TSPEAR: variants seen among roughly 807,000 people sequenced by gnomAD.
The protein encoded by TSPEAR is thrombospondin-type laminin G domain and EAR repeat-containing protein.
In TSPEAR, 69 loss-of-function variants were observed where a neutral mutation model predicts 71.6. The observed-to-expected ratio is 0.96, with a 90% CI of 0.79 to 1.18. The LOEUF is 1.18. TSPEAR is among the 50% of genes most tolerant of loss of function. The pLI is 0.00. For missense variants in TSPEAR, 971 were observed against 894.9 expected, an observed-to-expected ratio of 1.09 and a Z score of -1.09; for synonymous variants, 402 against 387.2, an observed-to-expected ratio of 1.04 and a Z score of -0.45.
chr21:44,597,593 C>T lies in TSPEAR; in HGVS notation c.83-29588G>A, dbSNP rs782614766. ...GATTACAGGTGCCCACCACCATGCC[C>T]GGCTAATTTTGTATTTTTAGTAGAG... is the stretch of plus-strand genomic sequence containing the variant. On this transcript the variant is annotated intron_variant, in intron 1 of 11. Transcript: ENST00000323084. 1.2e-3 allele frequency among the ~76,000 whole-genome samples: 186 copies of T among 151,898 alleles called. 2 individuals carry two copies. The highest frequency in any genetic ancestry group is 3.2e-3 in the Middle Eastern group (1 of 316).
chr21:44,518,905 A>T (rs587648381), intron 9 of TSPEAR: 43 of 291,226 alleles, frequency 1.5e-4, no homozygotes, highest in South Asian at 1.3e-3. Context: ...ATGACACATG[A>T]CTGGTGTGGA....
chr21:44,677,847 G>A (rs144543748), intron 1 of TSPEAR: 3 of 1,316,148 alleles, frequency 2.3e-6, no homozygotes, highest in Non-Finnish European at 3.3e-6. Context: ...GTCTGAGTAA[G>A]GTATGGTTTT....
At chr21:44,662,670 C>A (rs1412376926) in intron 1 of TSPEAR, among the ~76,000 whole-genome samples, 3 of 152,198 alleles carry the variant, frequency 2.0e-5, no homozygotes, top group Non-Finnish European at 4.4e-5. Flanking sequence ...GATACACATT[C>A]TTTTCAAGCA....
chr21:44,601,808 G>A (rs1337114206), intron 1 of TSPEAR: 3 of 1,545,626 alleles, frequency 1.9e-6, no homozygotes, highest in Non-Finnish European at 2.6e-6. Context: ...ACCCTTGACG[G>A]CTCTCCACAT....
At chr21:44,645,540 G>A (rs1300719050) in intron 1 of TSPEAR, among the ~76,000 whole-genome samples, 1 of 151,804 alleles carries the variant, frequency 6.6e-6, no homozygotes, top group Non-Finnish European at 1.5e-5. Flanking sequence ...TTTTAGTAGA[G>A]ACCGGGTTTC....
intron 11 of TSPEAR, among the ~76,000 whole-genome samples, chr21:44,502,320 A>G (rs1389429651): frequency 1.3e-5 from 2 of 152,246 alleles, no homozygotes; most frequent in African/African-American, 4.8e-5. Flanking sequence ...AGCAAGCTAC[A>G]TAATCAATTA....
intron 1 of TSPEAR, among the ~76,000 whole-genome samples, chr21:44,600,407 A>G (rs452547): frequency 0.14 from 21,254 of 152,174 alleles, 2,398 homozygotes; most frequent in African/African-American, 0.3. Context: ...ACTGAACGGC[A>G]TCTCATAGGA....
At chr21:44,567,054 A>C (rs868974832) in intron 2 of TSPEAR, among the ~76,000 whole-genome samples, 1 of 152,232 alleles carries the variant, frequency 6.6e-6, no homozygotes, top group South Asian at 2.1e-4. Context: ...AAAGGGCTCT[A>C]CCAAGAAAGT....
chr21:44,519,913 G>A (rs1408011735), intron 9 of TSPEAR: 2 of 152,320 alleles, frequency 1.3e-5, no homozygotes, highest in Admixed American at 1.3e-4. Flanking sequence ...CAGCCAGTGT[G>A]AGCCGCTACC....
rs782578741 is a variant in TSPEAR at position 44,612,632 on chromosome 21, C to A, written c.83-44627G>T. 12 of 1,613,690 alleles carry A rather than the reference C, an allele frequency of 7.4e-6. No homozygotes were observed. The highest frequency in any genetic ancestry group is 1.3e-5 in the African/African-American group (1 of 74,788). ...CTGCTGCAAGCCCATCTGCTGTGTG[C>A]CTGTCTGCTCTGGGGCTTCCTCTCT... On this transcript the variant is annotated intron_variant, in intron 1 of 11. Coordinates refer to ENST00000323084, the MANE Select transcript of TSPEAR (RefSeq NM_144991.3). This position sits in a 1 kb window ranked among gnomAD's most constrained non-coding sequence, Gnocchi z 4.1.
chr21:44,647,068 T>C lies in TSPEAR; in HGVS notation c.82+64365A>G, dbSNP rs782794414. The C allele has an allele frequency of 3.1e-6, 5 of 1,613,782 alleles. No individual in the cohort carries two copies. In the African/African-American group the frequency reaches 6.7e-5, roughly 22 times the overall value. On this transcript the variant is annotated intron_variant, in intron 1 of 11. Coordinates refer to ENST00000323084, the MANE Select transcript of TSPEAR (RefSeq NM_144991.3). ...GACTGTCTACTGCAAGCCCATCTGC[T>C]GTGTGCCTGTCTGCTCTAGGGCTTC... is the stretch of plus-strand genomic sequence containing the variant.
At chr21:44,630,809 ACT>A (rs1209160403) in intron 1 of TSPEAR, among the ~76,000 whole-genome samples, 3 of 152,174 alleles carry the variant, frequency 2.0e-5, no homozygotes, top group African/African-American at 4.8e-5. Flanking sequence ...TGTTTAAGAA[ACT>A]CTGTCTAATT....
chr21:44,710,452 G>A lies in TSPEAR; in HGVS notation c.82+981C>T, dbSNP rs566132721. 7.0e-6 allele frequency among the ~76,000 whole-genome samples: 1 copy of A among 143,302 alleles called. No homozygotes were observed. Among genetic ancestry groups the A allele is most frequent in the East Asian group, 2.4e-4 (1 of 4,160 alleles). The allele number at this position is 143,302 out of a possible 152,430, so 94.0% of individuals were successfully genotyped here. On this transcript the variant is annotated intron_variant, in intron 1 of 11. Coordinates refer to ENST00000323084, the MANE Select transcript of TSPEAR (RefSeq NM_144991.3). The surrounding 1 kb of genome is among the most constrained non-coding windows in gnomAD (Gnocchi z 4.6). ...CCCCACCCCCCACGCGAGTCAGCAC[G>A]TTCCATACTCGGGTGATCGTGCTCA...
At chr21:44,688,011 C>A (rs11909180) in intron 1 of TSPEAR, among the ~76,000 whole-genome samples, 2 of 151,880 alleles carry the variant, frequency 1.3e-5, no homozygotes, top group Non-Finnish European at 2.9e-5. Flanking sequence ...GGGCCGGGCG[C>A]GTGGATGCCC....
chr21:44,552,048 T>G (rs2003776), intron 2 of TSPEAR, among the ~76,000 whole-genome samples: 1 of 151,910 alleles, frequency 6.6e-6, no homozygotes, highest in Non-Finnish European at 1.5e-5. Context: ...GAGAAGGAGA[T>G]GGAATGTTCT....
intron 9 of TSPEAR, chr21:44,519,921 A>G (rs2052697355): frequency 2.6e-5 from 4 of 152,242 alleles, no homozygotes; most frequent in Non-Finnish European, 5.9e-5. Context: ...GTGAGCCGCT[A>G]CCACCACCTA....
chr21:44,533,926 G>A lies in TSPEAR; in HGVS notation c.304-3C>T. Reference sequence around the variant, plus strand: ...ACCGTCAGCAGGTACTCGTTCCTCTGTGGAGAGCGGGCCAGGCTCAGGACG... The same window carrying A: ...ACCGTCAGCAGGTACTCGTTCCTCTATGGAGAGCGGGCCAGGCTCAGGACG... On this transcript the variant is annotated splice_region_variant and splice_polypyrimidine_tract_variant and intron_variant, in intron 2 of 11. Transcript: ENST00000323084. 1 of 1,608,776 alleles carries A rather than the reference G, an allele frequency of 6.2e-7. No individual in the cohort carries two copies. Among genetic ancestry groups the A allele is most frequent in the Non-Finnish European group, 8.5e-7 (1 of 1,177,584 alleles).
chr21:44,601,593 C>T lies in TSPEAR; in HGVS notation c.83-33588G>A, dbSNP rs587761339. 2.8e-5 allele frequency: 45 copies of T among 1,613,598 alleles called. No homozygotes were observed. The South Asian group carries it at 3.7e-4, about 13-fold the overall frequency. Reference sequence around the variant, plus strand: ...TGTGCAGGCCCGCCTGCTGCGTGCCCGTCCCCTCCTGCTGCGCCCCCACCT... The same window carrying T: ...TGTGCAGGCCCGCCTGCTGCGTGCCTGTCCCCTCCTGCTGCGCCCCCACCT... On this transcript the variant is annotated intron_variant, in intron 1 of 11. Transcript: ENST00000323084.
chr21:44,688,496 A>G (rs1351267775), intron 1 of TSPEAR, among the ~76,000 whole-genome samples: 5 of 152,048 alleles, frequency 3.3e-5, no homozygotes, highest in African/African-American at 4.8e-5. Flanking sequence ...CGAGGAGGGC[A>G]GATCATGAGG....
Sources: allele counts gnomAD v4.1 joint callset (sites outside exome capture counted in the v4.1 genomes callset), GRCh38; gene constraint gnomAD v4.1.1; non-coding constraint Gnocchi (gnomAD v3.1); transcripts MANE v1.5; gene names NCBI Gene and HGNC (gene_info 2026-07-23, HGNC 2026-07-21).